Variants in SMAD9 observed in about 807,000 individuals in gnomAD.
SMAD9 encodes the protein MAD homolog 9.
SMAD9 carries 36 observed loss-of-function variants against 46.1 expected under a neutral mutation model. The ratio of observed to expected loss-of-function variants is 0.78; its 90% CI spans 0.60 to 1.03. SMAD9 has a LOEUF of 1.03. Among genes scored for constraint, SMAD9 ranks in the 50% least tolerant of loss-of-function variants. The pLI, the probability that SMAD9 is intolerant of heterozygous loss-of-function variation, is 0.00. For missense variants in SMAD9, 572 were observed against 599.8 expected (o/e 0.95, Z 0.48); for synonymous variants, 245 against 237.1 (o/e 1.03, Z -0.31).
At chr13:36,852,157 T>C in intron 6 of SMAD9, 2 of 915,478 alleles carry the variant, frequency 2.2e-6, no homozygotes, top group Non-Finnish European at 2.6e-6. Flanking sequence ...TTTTTAAAAT[T>C]GGAAACTATA....
chr13:36,917,967 C>T (rs1031788941), intron 1 of SMAD9, among the ~76,000 whole-genome samples: 4 of 146,630 alleles, frequency 2.7e-5, no homozygotes, highest in African/African-American at 9.7e-5. Flanking sequence ...GACTTTTTTC[C>T]CTCCAACTGA....
At position 36,845,774 on chromosome 13, in the gene SMAD9, G is replaced by C. The variant is rs1031358998; in HGVS notation, c.*2902C>G. Reference sequence around the variant, plus strand: ...ATATGATTGTGTTACAATGACTAAAGGGTTAACTTCTCATTAATTCTAAAT... The same window carrying C: ...ATATGATTGTGTTACAATGACTAAACGGTTAACTTCTCATTAATTCTAAAT... On this transcript the variant is annotated 3_prime_UTR_variant, in exon 7 of 7. Coordinates refer to ENST00000379826, the MANE Select transcript of SMAD9 (RefSeq NM_001127217.3). 3 of 152,080 alleles carry C rather than the reference G, an allele frequency of 2.0e-5. No individual in the cohort carries two copies. The highest frequency in any genetic ancestry group is 7.2e-5 in the African/African-American group (3 of 41,410). The allele number at this position is 152,080 out of a possible 1,614,324, so 9.4% of individuals were successfully genotyped here.
In SMAD9 at chr13:36,879,296, G is replaced by A. The variant is rs199510377; in HGVS notation, c.394C>T (p.Arg132Cys). The A allele has an allele frequency of 2.7e-5, 43 of 1,613,870 alleles. No homozygotes were observed. The highest frequency in any genetic ancestry group is 3.6e-5 in the Non-Finnish European group (42 of 1,179,970). ...GACCCACCTGGAGTCTCCACCCGGCGGTAGTGGTAAGGGTTAATGCACACT... is the reference window on the plus strand; with the variant it reads ...GACCCACCTGGAGTCTCCACCCGGCAGTAGTGGTAAGGGTTAATGCACACT... ...KEVCINPYHY[R>C]RVETPVLPPV... The change falls in exon 2 of 7, where the codon CGC (arginine) becomes TGC (cysteine). Residue 132 changes from arginine (R) to cysteine (C), a missense_variant. Coordinates refer to ENST00000379826, the MANE Select transcript of SMAD9 (RefSeq NM_001127217.3).
intron 5 of SMAD9, among the ~76,000 whole-genome samples, chr13:36,863,367 C>T (rs2058201943): frequency 6.6e-6 from 1 of 152,178 alleles, no homozygotes; most frequent in African/African-American, 2.4e-5. Flanking sequence ...GTCTTCGGAC[C>T]ATGTGACAGT....
chr13:36,884,316 G>A lies in SMAD9; in HGVS notation c.-186-4441C>T, dbSNP rs1395061125. The stretch of plus-strand genomic sequence containing the variant: ...AACCATTGGTCAGTGCGTGATTAGC[G>A]TTCATAAGCCCAGATCCCCCACAAA... On this transcript the variant is annotated intron_variant, in intron 1 of 6. Transcript: ENST00000379826. Among the ~76,000 whole-genome samples the A allele has an allele frequency of 2.0e-5, 3 of 152,246 alleles. No homozygotes were observed. In the East Asian group the frequency reaches 5.8e-4, roughly 29 times the overall value.
At chr13:36,909,024 T>A (rs2058640046) in intron 1 of SMAD9, among the ~76,000 whole-genome samples, 1 of 152,250 alleles carries the variant, frequency 6.6e-6, no homozygotes, top group Non-Finnish European at 1.5e-5. Flanking sequence ...CTACATTTAC[T>A]TACATCCCTA....
intron 1 of SMAD9, among the ~76,000 whole-genome samples, chr13:36,910,680 C>A (rs548467135): frequency 4.3e-4 from 65 of 152,310 alleles, no homozygotes; most frequent in African/African-American, 1.5e-3. Flanking sequence ...CTTTCCTGCT[C>A]CTTCTTCAAA....
chr13:36,915,447 T>C (rs1209825498), intron 1 of SMAD9, among the ~76,000 whole-genome samples: 1 of 152,110 alleles, frequency 6.6e-6, no homozygotes, highest in Non-Finnish European at 1.5e-5. Context: ...GAAAAGGAAG[T>C]GATCAGATAT....
intron 1 of SMAD9, among the ~76,000 whole-genome samples, chr13:36,907,379 G>A (rs1206164323): frequency 2.6e-5 from 4 of 152,178 alleles, no homozygotes; most frequent in African/African-American, 9.7e-5. Flanking sequence ...TAAAAATGCT[G>A]AAAATGAGGC....
chr13:36,877,963 C>T (rs932483121), intron 2 of SMAD9, among the ~76,000 whole-genome samples: 2 of 152,282 alleles, frequency 1.3e-5, no homozygotes, highest in East Asian at 3.9e-4. Context: ...TGTGCCAGCG[C>T]TTTGGTTTCC....
chr13:36,890,253 C>CG (rs1478402805), intron 1 of SMAD9, among the ~76,000 whole-genome samples: 4 of 151,326 alleles, frequency 2.6e-5, no homozygotes, highest in East Asian at 1.9e-4. Flanking sequence ...AAATATAACT[C>CG]TAACTTTTAA....
chr13:36,848,831 G>T lies in SMAD9; in HGVS notation c.1261-12C>A, dbSNP rs779748839. 8.1e-6 allele frequency: 13 copies of T among 1,612,992 alleles called. No homozygotes were observed. Among genetic ancestry groups the T allele is most frequent in the Non-Finnish European group, 1.0e-5 (12 of 1,179,952 alleles). Reference sequence around the variant, plus strand: ...TCAGCACCCCAACCCTGAAAAACAAGAAAGGAGCTGAGTGATGGTGCCACA... The same window carrying T: ...TCAGCACCCCAACCCTGAAAAACAATAAAGGAGCTGAGTGATGGTGCCACA... On this transcript the variant is annotated splice_polypyrimidine_tract_variant and intron_variant, in intron 6 of 6. Transcript: ENST00000379826.
intron 6 of SMAD9, among the ~76,000 whole-genome samples, chr13:36,850,745 T>G: frequency 6.6e-6 from 1 of 152,166 alleles, no homozygotes; most frequent in South Asian, 2.1e-4. Flanking sequence ...ACGGTCCCTT[T>G]GCAGACAATT....
chr13:36,903,666 TTA>T (rs2138651057), intron 1 of SMAD9, among the ~76,000 whole-genome samples: 2 of 152,322 alleles, frequency 1.3e-5, no homozygotes, highest in East Asian at 1.9e-4. Flanking sequence ...TCCAAAACTT[TTA>T]GTGTATACAA....
At chr13:36,883,296 G>A (rs2058418992) in intron 1 of SMAD9, among the ~76,000 whole-genome samples, 1 of 152,076 alleles carries the variant, frequency 6.6e-6, no homozygotes, top group African/African-American at 2.4e-5. Context: ...AAAACAGGAG[G>A]GGCGATTAAT....
intron 1 of SMAD9, among the ~76,000 whole-genome samples, chr13:36,889,110 A>G (rs1347535527): frequency 6.6e-6 from 1 of 152,214 alleles, no homozygotes; most frequent in African/African-American, 2.4e-5. Context: ...TTCAGAAGAA[A>G]TATCATAATT....
intron 5 of SMAD9, among the ~76,000 whole-genome samples, chr13:36,865,132 A>C (rs2058219727): frequency 6.6e-6 from 1 of 152,234 alleles, no homozygotes; most frequent in African/African-American, 2.4e-5. Flanking sequence ...TAAGTCTCCA[A>C]AGGGAACTTC....
intron 5 of SMAD9, among the ~76,000 whole-genome samples, chr13:36,864,144 T>C (rs1349975909): frequency 6.6e-6 from 1 of 152,234 alleles, no homozygotes; most frequent in Admixed American, 6.5e-5. Context: ...CATTTGAAAG[T>C]AAAGCCATGC....
chr13:36,887,616 A>G (rs1804394663), intron 1 of SMAD9, among the ~76,000 whole-genome samples: 1 of 152,132 alleles, frequency 6.6e-6, no homozygotes, highest in African/African-American at 2.4e-5. Flanking sequence ...AGGACAGATG[A>G]GAGAGCTGGG....
Sources: allele counts gnomAD v4.1 joint callset (sites outside exome capture counted in the v4.1 genomes callset), GRCh38; gene constraint gnomAD v4.1.1; transcripts MANE v1.5; gene names NCBI Gene and HGNC (gene_info 2026-07-23, HGNC 2026-07-21).